Variants in EYA1 observed in about 807,000 individuals in gnomAD.
EYA1 encodes protein phosphatase EYA1.
A neutral mutation model predicts 82.0 loss-of-function variants in EYA1; 16 were observed. That is an observed-to-expected ratio of 0.20 (90% CI 0.13 to 0.30). The LOEUF (loss-of-function observed/expected upper bound fraction) is 0.30, where lower values mean the gene tolerates loss of function less well. Ranked by LOEUF, EYA1 falls within the 10% of genes least tolerant of loss-of-function variation. The pLI is 1.00. For synonymous variants in EYA1, 261 were observed against 264.4 expected (o/e 0.99, Z 0.12); for missense variants, 633 against 730.7 (o/e 0.87, Z 1.54).
At chr8:71,288,067 G>T (rs1316004426) in intron 9 of EYA1, among the ~76,000 whole-genome samples, 1 of 152,142 alleles carries the variant, frequency 6.6e-6, no homozygotes, top group Non-Finnish European at 1.5e-5. Flanking sequence ...TTTCCTAATT[G>T]TATTCAAAGG....
chr8:71,450,104 C>A (rs900874344), intron 2 of EYA1, among the ~76,000 whole-genome samples: 1 of 152,212 alleles, frequency 6.6e-6, no homozygotes, highest in African/African-American at 2.4e-5. Context: ...CTCTCCATAT[C>A]AGCAATAGGC....
At chr8:71,462,531 C>T (rs1808439628) in intron 2 of EYA1, among the ~76,000 whole-genome samples, 1 of 152,200 alleles carries the variant, frequency 6.6e-6, no homozygotes, top group Admixed American at 6.5e-5. Flanking sequence ...CTCTCACCCG[C>T]TCTGTGGAGT....
rs145801331 is a variant in EYA1 at position 71,500,965 on chromosome 8, G to A, written c.33+34779C>T. ...GTGATTTGATAAGGGTTGAGAGGCTGTGCAAAAAATAAATCTCCCCTCAAC... is the reference window on the plus strand; with the variant it reads ...GTGATTTGATAAGGGTTGAGAGGCTATGCAAAAAATAAATCTCCCCTCAAC... On this transcript the variant is annotated intron_variant, in intron 2 of 18. Transcript: ENST00000643681. Among the ~76,000 whole-genome samples, 57 of 152,260 alleles carry A rather than the reference G, an allele frequency of 3.7e-4. 2 individuals carry two copies. In the East Asian group the frequency reaches 9.8e-3, roughly 26 times the overall value.
intron 11 of EYA1, 143 bp downstream of exon 11, chr8:71,269,597 T>G: frequency 1.9e-6 from 1 of 537,904 alleles, no homozygotes; most frequent in Non-Finnish European, 3.2e-6. Flanking sequence ...TTTTTTACCT[T>G]ACATATATAT....
intron 2 of EYA1, among the ~76,000 whole-genome samples, chr8:71,473,605 G>A (rs1309191536): frequency 6.6e-6 from 1 of 152,242 alleles, no homozygotes; most frequent in African/African-American, 2.4e-5. Flanking sequence ...GTTGGTGGGA[G>A]TGTAAATTAG....
At chr8:71,306,431 C>T (rs781150446) in intron 7 of EYA1, among the ~76,000 whole-genome samples, 129 of 151,618 alleles carry the variant, frequency 8.5e-4, no homozygotes, top group Non-Finnish European at 1.5e-3. Context: ...TGAAATGTTA[C>T]GATTCTGAAT....
intron 2 of EYA1, among the ~76,000 whole-genome samples, chr8:71,384,675 G>A (rs1828880998): frequency 2.6e-5 from 4 of 152,166 alleles, no homozygotes; most frequent in Admixed American, 2.6e-4. Context: ...AAATGCAGTT[G>A]TTAGAAATAA....
At chr8:71,506,955 AC>A (rs1175328440) in intron 2 of EYA1, among the ~76,000 whole-genome samples, 1 of 152,066 alleles carries the variant, frequency 6.6e-6, no homozygotes, top group Non-Finnish European at 1.5e-5. Context: ...GTTCATAAAA[AC>A]CCATAATACA....
intron 4 of EYA1, among the ~76,000 whole-genome samples, chr8:71,324,390 C>T (rs73292171): frequency 4.7e-4 from 72 of 152,262 alleles, no homozygotes; most frequent in African/African-American, 1.7e-3. Flanking sequence ...TCAAATCCCA[C>T]TTCTTCTATG....
intron 1 of EYA1, among the ~76,000 whole-genome samples, chr8:71,536,313 G>C (rs1001818951): frequency 6.6e-6 from 1 of 152,162 alleles, no homozygotes; most frequent in Admixed American, 6.6e-5. Context: ...GAAAAAGCTA[G>C]AGTTGAGTGT....
chr8:71,221,615 G>A (rs903674308), intron 12 of EYA1, among the ~76,000 whole-genome samples: 4 of 152,190 alleles, frequency 2.6e-5, no homozygotes, highest in Non-Finnish European at 4.4e-5. Flanking sequence ...AGTTAGCCAT[G>A]AGCCGGGGCA....
At chr8:71,346,475 TGCA>T in intron 3 of EYA1, among the ~76,000 whole-genome samples, 1 of 144,756 alleles carries the variant, frequency 6.9e-6, no homozygotes, top group South Asian at 2.2e-4. Flanking sequence ...TCCTTCTCCC[TGCA>T]GTTTTCCCCA....
intron 17 of EYA1, among the ~76,000 whole-genome samples, chr8:71,206,792 A>G (rs546153066): frequency 2.0e-4 from 31 of 151,764 alleles, no homozygotes; most frequent in Middle Eastern, 3.2e-3. Flanking sequence ...ATCTCATTCT[A>G]TCATCCCAGC....
At chr8:71,425,212 G>C (rs1057221201) in intron 2 of EYA1, among the ~76,000 whole-genome samples, 10 of 151,748 alleles carry the variant, frequency 6.6e-5, no homozygotes, top group South Asian at 6.3e-4. Flanking sequence ...GAACCCGGGA[G>C]GCAGAGCTTG....
chr8:71,458,578 C>A (rs951405267), intron 2 of EYA1, among the ~76,000 whole-genome samples: 9 of 151,862 alleles, frequency 5.9e-5, no homozygotes, highest in African/African-American at 2.2e-4. Context: ...CTTATAATCT[C>A]TTTTATCAGC....
At chr8:71,311,694 G>T (rs1191510193) in intron 7 of EYA1, among the ~76,000 whole-genome samples, 2 of 152,196 alleles carry the variant, frequency 1.3e-5, no homozygotes, top group Non-Finnish European at 1.5e-5. Context: ...TTATGAAGAA[G>T]AACACTTTGT....
At chr8:71,295,640 T>C (rs530766969) in intron 9 of EYA1, among the ~76,000 whole-genome samples, 1 of 152,300 alleles carries the variant, frequency 6.6e-6, no homozygotes, top group Non-Finnish European at 1.5e-5. Flanking sequence ...GTATAGCCAC[T>C]TTGGAAGATG....
In EYA1 at chr8:71,283,401, T is replaced by C. The variant is rs557822423; in HGVS notation, c.827-11504A>G. On this transcript the variant is annotated intron_variant, in intron 9 of 17. Transcript: ENST00000340726. ...TTCCAGCCACTCTGCCAGATGCATT[T>C]TATATGTACTTATCATCTGTGCCTC... Among the ~76,000 whole-genome samples, 13 of 152,358 alleles carry C rather than the reference T, an allele frequency of 8.5e-5. No individual in the cohort carries two copies. The South Asian group carries it at 2.7e-3, about 32-fold the overall frequency.
At chr8:71,310,249 C>T (rs1563441652) in intron 7 of EYA1, among the ~76,000 whole-genome samples, 2 of 152,092 alleles carry the variant, frequency 1.3e-5, no homozygotes, top group African/African-American at 4.8e-5. Flanking sequence ...GCTGAAATGT[C>T]TTATTTATGT....
Sources: allele counts gnomAD v4.1 joint callset (sites outside exome capture counted in the v4.1 genomes callset), GRCh38; gene constraint gnomAD v4.1.1; transcripts MANE v1.5; gene names NCBI Gene and HGNC (gene_info 2026-07-23, HGNC 2026-07-21).